BCL6: variants seen among roughly 807,000 people sequenced by gnomAD.
BCL6 encodes the protein B-cell lymphoma 6 protein.
In BCL6, 7 loss-of-function variants were observed where a neutral mutation model predicts 59.5. The observed-to-expected ratio is 0.12, with a 90% CI of 0.07 to 0.22. BCL6 has a LOEUF of 0.22. BCL6 is among the 10% of genes least tolerant of loss of function. The probability of loss-of-function intolerance (pLI) is 1.00; values close to 1 mark genes in which losing one functional copy is unlikely to be tolerated. For synonymous variants in BCL6, 339 were observed against 349.7 expected (o/e 0.97, Z 0.34); for missense variants, 685 against 939.4 (o/e 0.73, Z 3.54).
At chr3:187,743,591 T>C (rs2108482048) in intron 1 of BCL6, among the ~76,000 whole-genome samples, 1 of 152,264 alleles carries the variant, frequency 6.6e-6, no homozygotes, top group East Asian at 1.9e-4. Flanking sequence ...TAAAACTCAT[T>C]ATTGCAACAC....
At chr3:187,722,698 C>G (rs1718483293) in intron 9 of BCL6, 97 bp from the exon 10 acceptor site, 3 of 1,496,628 alleles carry the variant, frequency 2.0e-6, no homozygotes, top group Middle Eastern at 1.8e-4. Flanking sequence ...CTACGAGGGA[C>G]TGGGGCAGCT....
chr3:187,728,045 T>C (rs1011713011), intron 6 of BCL6, among the ~76,000 whole-genome samples: 5 of 152,148 alleles, frequency 3.3e-5, no homozygotes, highest in African/African-American at 1.2e-4. Flanking sequence ...CATTTTGGTA[T>C]AGAGGAATGG....
In BCL6 at chr3:187,722,272, A is replaced by C; in HGVS notation, c.*186T>G. 1.7e-6 allele frequency: 1 copy of C among 577,676 alleles called. No individual in the cohort carries two copies. The highest frequency in any genetic ancestry group is 3.2e-5 in the South Asian group (1 of 31,722). 35.8% of individuals were successfully genotyped at this position (577,676 alleles called of 1,614,324 possible). On this transcript the variant is annotated 3_prime_UTR_variant, in exon 10 of 10. Transcript: ENST00000406870. ...TCTTAATGTTTTATGGCAGTGGGGG[A>C]GGGGGAGCTGCTGCGGCTCCCAGTC...
intron 1 of BCL6, among the ~76,000 whole-genome samples, chr3:187,744,433 T>A (rs1711778875): frequency 6.6e-6 from 1 of 151,860 alleles, no homozygotes; most frequent in African/African-American, 2.4e-5. Flanking sequence ...AAGAATAATT[T>A]TCAAAGTGTT....
intron 1 of BCL6, among the ~76,000 whole-genome samples, chr3:187,743,757 GC>G: frequency 7.1e-6 from 1 of 140,572 alleles, no homozygotes; most frequent in African/African-American, 2.7e-5. Context: ...CGCCCCCGGA[GC>G]TCAGCCGATT....
chr3:187,745,175 A>T (rs549954662), intron 1 of BCL6, among the ~76,000 whole-genome samples: 1 of 152,290 alleles, frequency 6.6e-6, no homozygotes, highest in African/African-American at 2.4e-5. Context: ...GAGACGTGGG[A>T]CTAATCTTCG....
chr3:187,741,511 G>T (rs2108479934), intron 1 of BCL6, among the ~76,000 whole-genome samples: 1 of 152,188 alleles, frequency 6.6e-6, no homozygotes, highest in Non-Finnish European at 1.5e-5. Context: ...TGGGGAGTCG[G>T]GTATGGTCTT....
Position 187,728,580 on chromosome 3 carries a change from G to A in BCL6, c.1356-36C>T, listed in dbSNP as rs757812381. On this transcript the variant is annotated intron_variant, in intron 5 of 9. Coordinates refer to ENST00000406870, the MANE Select transcript of BCL6 (RefSeq NM_001706.5). Reference sequence around the variant, plus strand: ...GAGTAAAAACAGCCTCAGCACCTGGGGCAGGGCCTCAAGACCACCCTCTCC... The same window carrying A: ...GAGTAAAAACAGCCTCAGCACCTGGAGCAGGGCCTCAAGACCACCCTCTCC... The A allele has an allele frequency of 1.8e-5, 28 of 1,575,302 alleles. No individual in the cohort carries two copies. The South Asian group carries it at 3.0e-4, about 17-fold the overall frequency.
intron 1 of BCL6, chr3:187,737,532 CA>C (rs1719347996): frequency 6.6e-6 from 1 of 152,628 alleles, no homozygotes; most frequent in Non-Finnish European, 1.5e-5. Flanking sequence ...AGAGCACAAA[CA>C]CCAGCCCTGC....
intron 9 of BCL6, among the ~76,000 whole-genome samples, chr3:187,723,579 C>T (rs1718526948): frequency 6.6e-6 from 1 of 151,996 alleles, no homozygotes; most frequent in Non-Finnish European, 1.5e-5. Context: ...CTAAAACTAT[C>T]CTAAAACAAA....
intron 1 of BCL6, chr3:187,736,320 T>G (rs1579822501): frequency 6.6e-6 from 1 of 152,258 alleles, no homozygotes; most frequent in African/African-American, 2.4e-5. Flanking sequence ...CAAAGAGAGA[T>G]AGACTAACTC....
intron 2 of BCL6, 59 bp from the exon 3 acceptor site, chr3:187,733,762 A>G (rs2108471937): frequency 6.3e-7 from 1 of 1,583,426 alleles, no homozygotes; most frequent in Non-Finnish European, 8.6e-7. Flanking sequence ...TGCTTGCCAC[A>G]GGTATCAGAG....
At position 187,726,992 on chromosome 3, in the gene BCL6, A is replaced by T; in HGVS notation, c.1541-94T>A. The T allele has an allele frequency of 6.3e-6, 9 of 1,425,188 alleles. No individual in the cohort carries two copies. In the Admixed American group the frequency reaches 1.4e-4, roughly 21 times the overall value. The allele number at this position is 1,425,188 out of a possible 1,614,324, so 88.3% of individuals were successfully genotyped here. A position where few individuals can be genotyped will look rare whatever the true frequency, so the allele number is the denominator to read the frequency against. On this transcript the variant is annotated intron_variant, in intron 6 of 9. Coordinates refer to ENST00000406870, the MANE Select transcript of BCL6 (RefSeq NM_001706.5). ...TCCTCTGTAGCTACCCCTTGTGCCA[A>T]ACTGAACTCTCAGTCCCTCACTCAC...
intron 1 of BCL6, among the ~76,000 whole-genome samples, chr3:187,744,235 T>C (rs1711759257): frequency 6.6e-6 from 1 of 152,202 alleles, no homozygotes; most frequent in African/African-American, 2.4e-5. Flanking sequence ...TCCCGCCACC[T>C]TTCTCGTTCT....
chr3:187,744,576 A>T (rs1711794111), intron 1 of BCL6, among the ~76,000 whole-genome samples: 1 of 149,344 alleles, frequency 6.7e-6, no homozygotes, highest in East Asian at 1.9e-4. Flanking sequence ...ATTTATGACC[A>T]AAAAAACAAA....
At chr3:187,745,272 A>C (rs544451034) in intron 1 of BCL6, 138 bp downstream of exon 1, 4 of 398,570 alleles carry the variant, frequency 1.0e-5, no homozygotes, top group African/African-American at 4.1e-5. Flanking sequence ...GAGCCAAAGC[A>C]TTTGGCAAGA....
At chr3:187,726,285 G>C (rs1718689865) in intron 7 of BCL6, among the ~76,000 whole-genome samples, 1 of 152,174 alleles carries the variant, frequency 6.6e-6, no homozygotes. Context: ...GGATAATAGG[G>C]CCATTTACGG....
intron 1 of BCL6, among the ~76,000 whole-genome samples, chr3:187,740,364 C>T (rs146217395): frequency 0.016 from 2,091 of 131,878 alleles, 21 homozygotes; most frequent in South Asian, 0.041. Context: ...AACACGCAAA[C>T]CCCCGAGCTC....
chr3:187,745,438 T>C lies in BCL6; in HGVS notation c.-78A>G, dbSNP rs539672515. Reference sequence around the variant, plus strand: ...GTGTCCGGCCTTTCCTAGAAACTTCTTGCATCACCACTTCTAAGAACCCCA... The same window carrying C: ...GTGTCCGGCCTTTCCTAGAAACTTCCTGCATCACCACTTCTAAGAACCCCA... On this transcript the variant is annotated 5_prime_UTR_variant, in exon 1 of 10. Transcript: ENST00000406870. The C allele has an allele frequency of 1.0e-5, 4 of 399,702 alleles. No individual in the cohort carries two copies. Among genetic ancestry groups the C allele is most frequent in the Admixed American group, 4.4e-5 (1 of 22,712 alleles). The allele number at this position is 399,702 out of a possible 1,614,324, so 24.8% of individuals were successfully genotyped here. A position where few individuals can be genotyped will look rare whatever the true frequency, so the allele number is the denominator to read the frequency against.
Sources: allele counts gnomAD v4.1 joint callset (sites outside exome capture counted in the v4.1 genomes callset), GRCh38; gene constraint gnomAD v4.1.1; transcripts MANE v1.5; gene names NCBI Gene and HGNC (gene_info 2026-07-23, HGNC 2026-07-21).